RAD51B: variants seen among roughly 807,000 people sequenced by gnomAD.
RAD51B encodes the protein DNA repair protein RAD51 homolog 2.
Under a neutral mutation model 42.2 loss-of-function variants are expected in RAD51B, and 38 were observed. The ratio of observed to expected loss-of-function variants is 0.90; its 90% CI spans 0.70 to 1.18. The LOEUF is 1.18. Ranked by LOEUF, RAD51B falls within the 50% of genes most tolerant of loss-of-function variation. RAD51B has a pLI of 0.00. For synonymous variants in RAD51B, 154 were observed against 145.2 expected (o/e 1.06, Z -0.43); for missense variants, 373 against 400.7 (o/e 0.93, Z 0.59).
At chr14:68,671,832 T>G in intron 11 of RAD51B, among the ~76,000 whole-genome samples, 1 of 146,690 alleles carries the variant, frequency 6.8e-6, no homozygotes, top group Non-Finnish European at 1.5e-5. Flanking sequence ...AAAAAAAAAA[T>G]GTAAGTGATC....
chr14:68,628,712 G>C (rs1313029238), intron 10 of RAD51B, among the ~76,000 whole-genome samples: 3 of 152,154 alleles, frequency 2.0e-5, no homozygotes, highest in Admixed American at 6.5e-5. Context: ...GGTAGGGGGT[G>C]AGGAGGTGTT....
intron 10 of RAD51B, among the ~76,000 whole-genome samples, chr14:68,542,312 C>T (rs1033063851): frequency 1.3e-4 from 19 of 151,950 alleles, no homozygotes; most frequent in Non-Finnish European, 1.8e-4. Flanking sequence ...GTAATATGGC[C>T]GAAGAAAACT....
chr14:67,992,755 GT>G (rs142718110), intron 7 of RAD51B, among the ~76,000 whole-genome samples: 10 of 149,290 alleles, frequency 6.7e-5, no homozygotes, highest in East Asian at 2.0e-4. Flanking sequence ...AAGGAAAAAT[GT>G]TTTTTTTTTC....
rs3075406 is a variant in RAD51B at position 68,354,216 on chromosome 14, G to GTTTTT, written c.854-57193_854-57189dup. Among the ~76,000 whole-genome samples the GTTTTT allele has an allele frequency of 2.3e-4, 25 of 110,468 alleles. 1 individual carries two copies. The highest frequency in any genetic ancestry group is 3.5e-4 in the Non-Finnish European group (19 of 54,194). 72.5% of individuals were successfully genotyped at this position (110,468 alleles called of 152,430 possible). ...ATGTTTTTTGGTTTTTGGTTTTTTG[G>GTTTTT]TTTTTTTTTTTTTTTTTTTGAGATG... On this transcript the variant is annotated intron_variant, in intron 8 of 10. Transcript: ENST00000471583.
intron 10 of RAD51B, among the ~76,000 whole-genome samples, chr14:68,572,329 C>T (rs11621880): frequency 0.64 from 97,127 of 152,200 alleles, 32,183 homozygotes; most frequent in Non-Finnish European, 0.73. Context: ...CCAGCTGCCT[C>T]CCAGACGTCA....
At chr14:67,850,696 T>C (rs1352096978) in intron 4 of RAD51B, among the ~76,000 whole-genome samples, 1 of 152,188 alleles carries the variant, frequency 6.6e-6, no homozygotes, top group African/African-American at 2.4e-5. Context: ...TAACCTGGCT[T>C]GTCCACAAAT....
At chr14:67,954,772 A>G (rs1349586457) in intron 7 of RAD51B, among the ~76,000 whole-genome samples, 1 of 152,212 alleles carries the variant, frequency 6.6e-6, no homozygotes, top group Non-Finnish European at 1.5e-5. Context: ...TTAAATTGAA[A>G]AAAGTAAGCA....
intron 7 of RAD51B, among the ~76,000 whole-genome samples, chr14:67,920,623 T>G (rs939567491): frequency 1.3e-5 from 2 of 152,228 alleles, no homozygotes; most frequent in African/African-American, 4.8e-5. Context: ...TACAATTTTA[T>G]GAAGTTAAGT....
At chr14:67,976,423 C>G (rs955766400) in intron 7 of RAD51B, among the ~76,000 whole-genome samples, 2 of 151,500 alleles carry the variant, frequency 1.3e-5, no homozygotes, top group African/African-American at 4.8e-5. Context: ...TGGCTCAACT[C>G]TAGTTTTTTG....
intron 7 of RAD51B, among the ~76,000 whole-genome samples, chr14:68,226,741 T>A (rs1187468965): frequency 1.3e-5 from 2 of 152,188 alleles, no homozygotes; most frequent in Non-Finnish European, 2.9e-5. Context: ...ATTTTACAGG[T>A]GAGCAAACTG....
At chr14:68,428,282 TTG>T (rs1368763118) in intron 9 of RAD51B, among the ~76,000 whole-genome samples, 1 of 152,220 alleles carries the variant, frequency 6.6e-6, no homozygotes, top group Non-Finnish European at 1.5e-5. Flanking sequence ...TAATAATCCT[TTG>T]TGTGTCCTCT....
At chr14:68,429,714 T>A (rs1290792584) in intron 9 of RAD51B, among the ~76,000 whole-genome samples, 1 of 152,322 alleles carries the variant, frequency 6.6e-6, no homozygotes, top group Non-Finnish European at 1.5e-5. Context: ...TTCACTCTGA[T>A]GGTAGTTTCT....
chr14:67,851,436 A>G (rs1321791529), intron 4 of RAD51B, among the ~76,000 whole-genome samples: 2 of 152,130 alleles, frequency 1.3e-5, no homozygotes, highest in African/African-American at 4.8e-5. Flanking sequence ...CATGACTGAA[A>G]TGCTCATGTA....
intron 3 of RAD51B, among the ~76,000 whole-genome samples, chr14:67,828,215 T>C (rs757917828): frequency 1.1e-4 from 16 of 152,232 alleles, no homozygotes; most frequent in Non-Finnish European, 1.9e-4. Flanking sequence ...CATTGTGATT[T>C]TGATGTGCAT....
At chr14:68,669,015 A>G (rs1167280747) in intron 11 of RAD51B, among the ~76,000 whole-genome samples, 1 of 152,250 alleles carries the variant, frequency 6.6e-6, no homozygotes, top group African/African-American at 2.4e-5. Flanking sequence ...TTGAAGTTGA[A>G]AAGACGATAT....
chr14:68,363,629 G>A (rs1234500359), intron 8 of RAD51B, among the ~76,000 whole-genome samples: 3 of 152,216 alleles, frequency 2.0e-5, no homozygotes, highest in African/African-American at 7.2e-5. Flanking sequence ...TTGCCACCTT[G>A]TGGTTAACAT....
intron 4 of RAD51B, among the ~76,000 whole-genome samples, chr14:67,837,134 A>T (rs1374467368): frequency 6.6e-6 from 1 of 151,956 alleles, no homozygotes; most frequent in Non-Finnish European, 1.5e-5. Flanking sequence ...ATTAGTTATT[A>T]ATAAAAATGC....
chr14:68,199,840 G>A (rs2079447677), intron 7 of RAD51B, among the ~76,000 whole-genome samples: 1 of 152,114 alleles, frequency 6.6e-6, no homozygotes. Flanking sequence ...ATGGTGATAC[G>A]CCACCTACTT....
chr14:68,416,848 G>A (rs2084573428), intron 9 of RAD51B, among the ~76,000 whole-genome samples: 1 of 152,170 alleles, frequency 6.6e-6, no homozygotes, highest in Non-Finnish European at 1.5e-5. Context: ...GGAGAGAAGG[G>A]TTCTGCAGCT....
Sources: allele counts gnomAD v4.1 joint callset (sites outside exome capture counted in the v4.1 genomes callset), GRCh38; gene constraint gnomAD v4.1.1; transcripts MANE v1.5; gene names NCBI Gene and HGNC (gene_info 2026-07-23, HGNC 2026-07-21).